DPY19L3: variants seen among roughly 807,000 people sequenced by gnomAD.
DPY19L3 encodes the protein dpy-19 like C-mannosyltransferase 3.
Under a neutral mutation model 92.3 loss-of-function variants are expected in DPY19L3, and 51 were observed. The observed-to-expected ratio is 0.55, with a 90% CI of 0.44 to 0.70. The LOEUF (loss-of-function observed/expected upper bound fraction) is 0.70, where lower values mean the gene tolerates loss of function less well. Among genes scored for constraint, DPY19L3 ranks in the 30% least tolerant of loss-of-function variants. The pLI is 0.00. For synonymous variants in DPY19L3, 309 were observed against 315.2 expected, an observed-to-expected ratio of 0.98 and a Z score of 0.21; for missense variants, 706 against 855.9, an observed-to-expected ratio of 0.82 and a Z score of 2.18.
chr19:32,414,992 AC>A lies in DPY19L3; in HGVS notation c.237+3621del, dbSNP rs1968330401. 2.0e-5 allele frequency among the ~76,000 whole-genome samples: 3 copies of A among 152,228 alleles called. No homozygotes were observed. The South Asian group carries it at 6.2e-4, about 32-fold the overall frequency. ...CACTGCAGAGAACATGGAAGGAATA[AC>A]AAAGATTTCTGAATTTACCAGCAGA... On this transcript the variant is annotated intron_variant, in intron 3 of 18. Transcript: ENST00000392250.
intron 17 of DPY19L3, 33 bp from the exon 18 acceptor site, chr19:32,480,366 T>G (rs1466279682): frequency 3.1e-6 from 5 of 1,591,466 alleles, no homozygotes; most frequent in Non-Finnish European, 4.3e-6. Flanking sequence ...TCAAGTAGCA[T>G]TTGCCACATT....
chr19:32,421,278 T>C (rs1968558262), intron 3 of DPY19L3, among the ~76,000 whole-genome samples: 1 of 152,126 alleles, frequency 6.6e-6, no homozygotes. Flanking sequence ...ATGTGAAAAA[T>C]AGATAATCAA....
intron 8 of DPY19L3, among the ~76,000 whole-genome samples, chr19:32,452,840 C>G (rs970496559): frequency 1.3e-5 from 2 of 151,196 alleles, no homozygotes; most frequent in Admixed American, 1.3e-4. Context: ...ATCACAGGCA[C>G]GAGCCACCAC....
At position 32,453,134 on chromosome 19, in the gene DPY19L3, G is replaced by T. The variant is rs1969758815; in HGVS notation, c.856-11G>T. 6.2e-7 allele frequency: 1 copy of T among 1,613,378 alleles called. No individual in the cohort carries two copies. Among genetic ancestry groups the T allele is most frequent in the Admixed American group, 1.7e-5 (1 of 59,804 alleles). Reference sequence around the variant, plus strand: ...AAATGTCTGTACTCATCTAATCTTTGGTTCTTGCAGGCGACATGGCTGTAT... The same window carrying T: ...AAATGTCTGTACTCATCTAATCTTTTGTTCTTGCAGGCGACATGGCTGTAT... On this transcript the variant is annotated splice_polypyrimidine_tract_variant and intron_variant, in intron 8 of 18. Transcript: ENST00000392250.
At chr19:32,469,982 C>G (rs911449929) in intron 16 of DPY19L3, among the ~76,000 whole-genome samples, 11 of 152,206 alleles carry the variant, frequency 7.2e-5, no homozygotes, top group African/African-American at 2.7e-4. Context: ...ATGGCTAATG[C>G]TTACTCACCA....
chr19:32,479,128 T>G (rs1181130838), intron 17 of DPY19L3, among the ~76,000 whole-genome samples: 3 of 152,150 alleles, frequency 2.0e-5, no homozygotes, highest in African/African-American at 7.2e-5. Flanking sequence ...TGTTTTGAGG[T>G]GAGATTTGAC....
chr19:32,437,130 T>C, intron 5 of DPY19L3, 64 bp from the exon 6 acceptor site: 1 of 1,593,944 alleles, frequency 6.3e-7, no homozygotes, highest in Admixed American at 1.7e-5. Flanking sequence ...CTGTCATGTT[T>C]TAAATGGCAC....
intron 3 of DPY19L3, among the ~76,000 whole-genome samples, chr19:32,425,064 A>G (rs1968710634): frequency 1.3e-5 from 2 of 152,246 alleles, no homozygotes; most frequent in Non-Finnish European, 2.9e-5. Context: ...CTCACACCAT[A>G]CACAAAAATT....
Position 32,485,766 on chromosome 19 carries a change from C to T in DPY19L3, c.*3526C>T, listed in dbSNP as rs939344370. The T allele has an allele frequency of 1.3e-5, 2 of 152,190 alleles. No homozygotes were observed. The highest frequency in any genetic ancestry group is 2.9e-5 in the Non-Finnish European group (2 of 68,026). The allele number at this position is 152,190 out of a possible 1,614,324, so 9.4% of individuals were successfully genotyped here. A position where few individuals can be genotyped will look rare whatever the true frequency, so the allele number is the denominator to read the frequency against. On this transcript the variant is annotated 3_prime_UTR_variant, in exon 19 of 19. Transcript: ENST00000392250. ...GCTTTTGAGATGAGAGGGTGTCTTA[C>T]TTTCTTGTGGCAATTGATTTTCTGT...
chr19:32,458,499 C>T lies in DPY19L3; in HGVS notation c.1312C>T (p.His438Tyr). 1 of 1,609,700 alleles carries T rather than the reference C, an allele frequency of 6.2e-7. No individual in the cohort carries two copies. The highest frequency in any genetic ancestry group is 8.5e-7 in the Non-Finnish European group (1 of 1,179,016). ...TVIVAFVVAF[H>Y]NLSDSTNQQS... ...GATTGTAGCATTCGTTGTTGCCTTT[C>T]ATAATCTCAGGTATGGTATATTTCA... Residue 438 changes from histidine to tyrosine, a missense_variant, in exon 12 of 19, where the codon CAT becomes TAT. By Grantham distance (83) the His-to-Tyr change is moderately conservative. Coordinates refer to ENST00000392250, the MANE Select transcript of DPY19L3 (RefSeq NM_001172774.2).
At chr19:32,414,220 A>G (rs868522583) in intron 3 of DPY19L3, among the ~76,000 whole-genome samples, 104 of 152,160 alleles carry the variant, frequency 6.8e-4, no homozygotes, top group Middle Eastern at 3.4e-3. Context: ...GGAAATTGAG[A>G]CCATCCTGGC....
At chr19:32,480,913 G>A (rs562714554) in intron 18 of DPY19L3, 35 of 426,272 alleles carry the variant, frequency 8.2e-5, no homozygotes, top group African/African-American at 5.5e-4. Context: ...CCAACGCTTC[G>A]TATTGGCTAG....
intron 3 of DPY19L3, among the ~76,000 whole-genome samples, chr19:32,428,853 GT>G (rs1968863145): frequency 6.8e-6 from 1 of 146,248 alleles, no homozygotes; most frequent in Admixed American, 6.8e-5. Flanking sequence ...TGTTGTTGTT[GT>G]TTGTTTGTTT....
chr19:32,464,928 T>C, intron 15 of DPY19L3, 144 bp downstream of exon 15: 1 of 412,604 alleles, frequency 2.4e-6, no homozygotes, highest in Non-Finnish European at 4.3e-6. Context: ...GAAGGTGACA[T>C]TGATGGGAAA....
At chr19:32,455,376 G>C (rs1379215257) in intron 10 of DPY19L3, among the ~76,000 whole-genome samples, 1 of 152,074 alleles carries the variant, frequency 6.6e-6, no homozygotes, top group African/African-American at 2.4e-5. Context: ...TAGTAGCAAG[G>C]ATTATTTTGT....
chr19:32,466,601 A>G (rs1034259947), intron 15 of DPY19L3, among the ~76,000 whole-genome samples: 31 of 152,210 alleles, frequency 2.0e-4, no homozygotes, highest in African/African-American at 7.5e-4. Flanking sequence ...TAGGGGCACA[A>G]TGTCTCCCCT....
At chr19:32,413,990 T>C (rs144080456) in intron 3 of DPY19L3, among the ~76,000 whole-genome samples, 27 of 152,202 alleles carry the variant, frequency 1.8e-4, no homozygotes, top group Middle Eastern at 3.4e-3. Context: ...TCCCAAAATA[T>C]TGGGATTATA....
intron 16 of DPY19L3, among the ~76,000 whole-genome samples, chr19:32,474,723 T>C (rs1404468297): frequency 1.3e-5 from 2 of 152,152 alleles, no homozygotes; most frequent in African/African-American, 4.8e-5. Context: ...CCTGAGTAGC[T>C]GGCATTACAG....
chr19:32,482,592 G>A lies in DPY19L3; in HGVS notation c.*352G>A, dbSNP rs1282017270. The stretch of plus-strand genomic sequence containing the variant: ...AGCACCTGCTCAGGATTTGAAATAC[G>A]TTTAATTTTCAGGTGACTTAAGACA... On this transcript the variant is annotated 3_prime_UTR_variant, in exon 19 of 19. Coordinates refer to ENST00000392250, the MANE Select transcript of DPY19L3 (RefSeq NM_001172774.2). 1.1e-5 allele frequency: 2 copies of A among 181,816 alleles called. No homozygotes were observed. The highest frequency in any genetic ancestry group is 1.6e-4 in the East Asian group (1 of 6,222). The allele number at this position is 181,816 out of a possible 1,614,324, so 11.3% of individuals were successfully genotyped here. A position where few individuals can be genotyped will look rare whatever the true frequency, so the allele number is the denominator to read the frequency against.
Sources: allele counts gnomAD v4.1 joint callset (sites outside exome capture counted in the v4.1 genomes callset), GRCh38; gene constraint gnomAD v4.1.1; transcripts MANE v1.5; gene names NCBI Gene and HGNC (gene_info 2026-07-23, HGNC 2026-07-21).